Variants in KCNQ5 observed in about 807,000 individuals in gnomAD.
The protein encoded by KCNQ5 is potassium voltage-gated channel subfamily Q member 5.
Under a neutral mutation model 98.2 loss-of-function variants are expected in KCNQ5, and 30 were observed. That is an observed-to-expected ratio of 0.31 (90% confidence interval 0.23 to 0.41). KCNQ5 has a LOEUF of 0.41. Ranked by LOEUF, KCNQ5 falls within the 10% of genes least tolerant of loss-of-function variation. The pLI is 1.00. For synonymous variants in KCNQ5, 458 were observed against 449.4 expected, an observed-to-expected ratio of 1.02 and a Z score of -0.24; for missense variants, 835 against 1,182.5, an observed-to-expected ratio of 0.71 and a Z score of 4.31.
intron 7 of KCNQ5, 40 bp downstream of exon 7, chr6:73,111,443 C>A: frequency 2.2e-6 from 3 of 1,335,186 alleles, no homozygotes; most frequent in Non-Finnish European, 3.2e-6. Flanking sequence ...ACATTTGTGT[C>A]CATAGTGCTT....
chr6:72,836,179 G>T (rs1278815790), intron 1 of KCNQ5, among the ~76,000 whole-genome samples: 1 of 152,080 alleles, frequency 6.6e-6, no homozygotes, highest in Admixed American at 6.5e-5. Flanking sequence ...TAAGATTTTG[G>T]TGGATGAATC....
intron 1 of KCNQ5, among the ~76,000 whole-genome samples, chr6:72,757,804 A>G (rs1440101076): frequency 6.6e-6 from 1 of 152,168 alleles, no homozygotes; most frequent in Non-Finnish European, 1.5e-5. Context: ...TTGGGAAAAT[A>G]GTACTGGATT....
intron 1 of KCNQ5, among the ~76,000 whole-genome samples, chr6:72,973,456 G>A (rs925369566): frequency 3.3e-5 from 5 of 151,914 alleles, no homozygotes; most frequent in Non-Finnish European, 7.4e-5. Context: ...CCTTTGAAAG[G>A]CTGAATTATT....
intron 1 of KCNQ5, among the ~76,000 whole-genome samples, chr6:72,636,818 C>A (rs2098924403): frequency 1.3e-5 from 2 of 152,196 alleles, no homozygotes; most frequent in African/African-American, 4.8e-5. Flanking sequence ...AACCATCTCT[C>A]TGAATTGACT....
At chr6:72,785,386 T>C (rs887507585) in intron 1 of KCNQ5, among the ~76,000 whole-genome samples, 1 of 152,020 alleles carries the variant, frequency 6.6e-6, no homozygotes, top group African/African-American at 2.4e-5. Context: ...CAGTGGCTCA[T>C]ACCTGTAATC....
intron 1 of KCNQ5, among the ~76,000 whole-genome samples, chr6:72,663,137 G>A (rs1354795999): frequency 6.6e-6 from 1 of 152,094 alleles, no homozygotes; most frequent in Non-Finnish European, 1.5e-5. Flanking sequence ...GGGACTGTCA[G>A]GGGGTTGGGG....
intron 11 of KCNQ5, among the ~76,000 whole-genome samples, chr6:73,182,431 A>G (rs576546765): frequency 6.6e-6 from 1 of 152,230 alleles, no homozygotes; most frequent in South Asian, 2.1e-4. Flanking sequence ...AAGACACAGA[A>G]GGTCTGGGCT....
intron 1 of KCNQ5, among the ~76,000 whole-genome samples, chr6:72,803,402 A>G (rs1449048358): frequency 6.6e-6 from 1 of 152,162 alleles, no homozygotes; most frequent in Non-Finnish European, 1.5e-5. Context: ...ATTGCCAAAC[A>G]TATAAATTTC....
chr6:73,194,682 G>A lies in KCNQ5; in HGVS notation c.2067G>A (p.Gln689=), dbSNP rs141761357. 2.8e-4 allele frequency: 458 copies of A among 1,614,126 alleles called. 2 individuals are homozygous for A. Among genetic ancestry groups the A allele is most frequent in the Non-Finnish European group, 3.0e-4 (351 of 1,180,054 alleles). Residue 689 remains glutamine (Q), a synonymous_variant, in exon 14 of 14, where the codon CAG becomes CAA. Transcript: ENST00000370398. ...GTGCCAACATCTCGAGAGGCCTGCA[G>A]TTCATTCTGACGCCAAATGAGTTCA... is the stretch of plus-strand genomic sequence containing the variant. ...STSANISRGL[Q]FILTPNEFSA...
chr6:72,956,439 TG>T (rs1312747277), intron 1 of KCNQ5, among the ~76,000 whole-genome samples: 1 of 151,616 alleles, frequency 6.6e-6, no homozygotes, highest in African/African-American at 2.4e-5. Flanking sequence ...CCTTGAGGGC[TG>T]GGGGGAAGAT....
chr6:72,805,888 T>C (rs997555459), intron 1 of KCNQ5, among the ~76,000 whole-genome samples: 3 of 152,136 alleles, frequency 2.0e-5, no homozygotes, highest in African/African-American at 7.2e-5. Context: ...TTCAATTCTT[T>C]GGTTAATTCC....
At chr6:72,791,990 C>T (rs1359339691) in intron 1 of KCNQ5, among the ~76,000 whole-genome samples, 3 of 152,126 alleles carry the variant, frequency 2.0e-5, no homozygotes, top group Non-Finnish European at 4.4e-5. Context: ...ACAATCAAGC[C>T]ATAGCAGCCA....
chr6:73,006,241 T>C (rs1299944290), intron 2 of KCNQ5, among the ~76,000 whole-genome samples: 2 of 152,044 alleles, frequency 1.3e-5, no homozygotes, highest in African/African-American at 2.4e-5. Flanking sequence ...GTCACAGAAC[T>C]CATAGAACAC....
chr6:72,857,729 G>A (rs1437829173), intron 1 of KCNQ5, among the ~76,000 whole-genome samples: 1 of 152,138 alleles, frequency 6.6e-6, no homozygotes, highest in African/African-American at 2.4e-5. Context: ...AATTTTCTCA[G>A]TAGATGTTAC....
At chr6:72,736,560 C>T (rs1159476488) in intron 1 of KCNQ5, among the ~76,000 whole-genome samples, 10 of 129,416 alleles carry the variant, frequency 7.7e-5, no homozygotes, top group African/African-American at 3.3e-4. Context: ...AGTGCAGTGG[C>T]GGGATCTCGG....
chr6:72,755,623 T>C (rs1771923690), intron 1 of KCNQ5, among the ~76,000 whole-genome samples: 1 of 152,200 alleles, frequency 6.6e-6, no homozygotes, highest in East Asian at 1.9e-4. Flanking sequence ...ACAGCACATA[T>C]TCCATTTACT....
At chr6:72,847,128 A>G (rs764969748) in intron 1 of KCNQ5, among the ~76,000 whole-genome samples, 2 of 151,474 alleles carry the variant, frequency 1.3e-5, no homozygotes, top group Non-Finnish European at 3.0e-5. Context: ...AATAAAATAA[A>G]TTAAAAAAAA....
chr6:73,123,146 A>C (rs756128862), intron 8 of KCNQ5, among the ~76,000 whole-genome samples: 1 of 147,366 alleles, frequency 6.8e-6, no homozygotes, highest in Non-Finnish European at 1.5e-5. Flanking sequence ...AAAAGTTAGA[A>C]TCTCTGGCCT....
At position 72,986,916 on chromosome 6, in the gene KCNQ5, G is replaced by A. The variant is rs186558821; in HGVS notation, c.399-16992G>A. ...GACACTTGCTCAGTGGGGAAGAAGG[G>A]TGAGGAACAGGCAGCCTTGGGGCAG... On this transcript the variant is annotated intron_variant, in intron 1 of 13. Transcript: ENST00000370398. The A allele has an allele frequency of 5.2e-4, 442 of 853,966 alleles. 1 individual carries two copies. In the African/African-American group the frequency reaches 6.0e-3, roughly 12 times the overall value. 52.9% of individuals were successfully genotyped at this position (853,966 alleles called of 1,614,324 possible). A position where few individuals can be genotyped will look rare whatever the true frequency, so the allele number is the denominator to read the frequency against.
Sources: gnomAD v4.1 joint callset for allele counts (sites outside exome capture counted in the v4.1 genomes callset) on GRCh38, gnomAD v4.1.1 for gene constraint, MANE v1.5 for transcripts, NCBI Gene and HGNC (gene_info 2026-07-23, HGNC 2026-07-21) for gene names.